Variants in HS1BP3 observed in about 807,000 individuals in gnomAD.
The protein encoded by HS1BP3 is HCLS1 binding protein 3.
A neutral mutation model predicts 33.5 loss-of-function variants in HS1BP3; 32 were observed. The ratio of observed to expected loss-of-function variants is 0.95; its 90% CI spans 0.72 to 1.28. The LOEUF (loss-of-function observed/expected upper bound fraction) is 1.28, where lower values mean the gene tolerates loss of function less well. Among genes scored for constraint, HS1BP3 ranks in the 50% most tolerant of loss-of-function variants. The probability of loss-of-function intolerance (pLI) is 0.00; values close to 1 mark genes in which losing one functional copy is unlikely to be tolerated. For missense variants in HS1BP3, 486 were observed against 502.3 expected (o/e 0.97, Z 0.31); for synonymous variants, 187 against 209.2 (o/e 0.89, Z 0.92).
chr2:20,647,677 T>C (rs1295720919), intron 1 of HS1BP3, among the ~76,000 whole-genome samples: 1 of 152,130 alleles, frequency 6.6e-6, no homozygotes, highest in African/African-American at 2.4e-5. Context: ...ATAGGAAAAC[T>C]TTCTCTACAG....
downstream of HS1BP3, among the ~76,000 whole-genome samples, chr2:20,614,874 G>T (rs73235060): frequency 0.014 from 2,112 of 152,356 alleles, 41 homozygotes; most frequent in African/African-American, 0.047. Context: ...ACATGAAATT[G>T]CTTGGCTCTT....
At position 20,645,378 on chromosome 2, in the gene HS1BP3, A is replaced by G. The variant is rs1695486473; in HGVS notation, c.160T>C (p.Ser54Pro). 6.2e-7 allele frequency: 1 copy of G among 1,613,942 alleles called. No individual in the cohort carries two copies. Among genetic ancestry groups the G allele is most frequent in the Non-Finnish European group, 8.5e-7 (1 of 1,179,966 alleles). Reference sequence around the variant, plus strand: ...ACATCCTCGGGCCTGTGCTTGGCCGACTTGAACGCAGCCAGACGGGTCACC... The same window carrying G: ...ACATCCTCGGGCCTGTGCTTGGCCGGCTTGAACGCAGCCAGACGGGTCACC... Reference protein sequence around the residue: ...LVVTRLAAFKSAKHRPEDVVQ... With the variant: ...LVVTRLAAFKPAKHRPEDVVQ... The change falls in exon 2 of 7, where the codon TCG (serine) becomes CCG (proline). Residue 54 changes from serine (S) to proline (P), a missense_variant. Transcript: ENST00000304031.
At chr2:20,616,684 C>T (rs1279735926), downstream of HS1BP3, among the ~76,000 whole-genome samples, 1 of 152,192 alleles carries the variant, frequency 6.6e-6, no homozygotes, top group Non-Finnish European at 1.5e-5. Context: ...TCCCCTTCCC[C>T]TACCCTAAGC....
At chr2:20,593,706 C>T (rs1693875801) in intron 3 of HS1BP3, among the ~76,000 whole-genome samples, 5 of 152,252 alleles carry the variant, frequency 3.3e-5, no homozygotes, top group South Asian at 4.1e-4. Flanking sequence ...CCACTGCGCC[C>T]GCTCTCACCC....
At chr2:20,631,969 G>T (rs1341834308) in intron 4 of HS1BP3, among the ~76,000 whole-genome samples, 4 of 152,204 alleles carry the variant, frequency 2.6e-5, no homozygotes, top group Non-Finnish European at 5.9e-5. Flanking sequence ...GCAGCAGTCA[G>T]CCCCAAATGG....
chr2:20,577,741 A>G (rs930952340), intron 5 of HS1BP3, among the ~76,000 whole-genome samples: 10 of 152,220 alleles, frequency 6.6e-5, no homozygotes, highest in African/African-American at 2.4e-4. Context: ...CAGGCCTCTG[A>G]ACCTCAGGCT....
At chr2:20,566,612 GT>G (rs200183651) in intron 5 of HS1BP3, among the ~76,000 whole-genome samples, 5,475 of 141,858 alleles carry the variant, frequency 0.039, 341 homozygotes, top group African/African-American at 0.14. Context: ...TTTTTTTTTT[GT>G]TTTTTTTTTT....
chr2:20,641,502 A>G (rs1331255074), intron 2 of HS1BP3, among the ~76,000 whole-genome samples: 1 of 152,218 alleles, frequency 6.6e-6, no homozygotes, highest in Non-Finnish European at 1.5e-5. Context: ...CACTGTGTTC[A>G]TTCCCAGCTT....
chr2:20,643,159 G>A (rs1231040105), intron 2 of HS1BP3, among the ~76,000 whole-genome samples: 2 of 152,192 alleles, frequency 1.3e-5, no homozygotes, highest in Admixed American at 6.5e-5. Context: ...GCCCTCGCAA[G>A]TACTTTCAAA....
chr2:20,573,315 G>C (rs1291244849), intron 5 of HS1BP3, among the ~76,000 whole-genome samples: 1 of 152,036 alleles, frequency 6.6e-6, no homozygotes, highest in Admixed American at 6.6e-5. Flanking sequence ...TGAACTTCAG[G>C]CCTCTGGAAC....
At chr2:20,632,566 G>A (rs1385010863) in intron 4 of HS1BP3, among the ~76,000 whole-genome samples, 1 of 152,250 alleles carries the variant, frequency 6.6e-6, no homozygotes, top group Non-Finnish European at 1.5e-5. Flanking sequence ...TAACAACAGA[G>A]CCTGGATCTG....
At chr2:20,583,290 G>A (rs1693579499) in intron 5 of HS1BP3, among the ~76,000 whole-genome samples, 1 of 152,208 alleles carries the variant, frequency 6.6e-6, no homozygotes, top group Non-Finnish European at 1.5e-5. Flanking sequence ...TGTAATGAAA[G>A]GATATGGGGC....
chr2:20,625,004 GC>G, intron 4 of HS1BP3, 112 bp from the exon 5 acceptor site: 1 of 1,306,994 alleles, frequency 7.7e-7, no homozygotes. Flanking sequence ...GATGCCATGG[GC>G]CAGAAAAGAC....
Position 20,619,059 on chromosome 2 carries a change from C to T in HS1BP3, c.1107G>A (p.Met369Ile). 2 of 1,614,184 alleles carry T rather than the reference C, an allele frequency of 1.2e-6. No individual in the cohort carries two copies. The highest frequency in any genetic ancestry group is 1.7e-6 in the Non-Finnish European group (2 of 1,180,020). The change falls in exon 7 of 7, where the codon ATG (methionine) becomes ATA (isoleucine). Residue 369 changes from methionine (M) to isoleucine (I), a missense_variant. By Grantham distance (10) the Met-to-Ile change is conservative. Coordinates refer to ENST00000304031, the MANE Select transcript of HS1BP3 (RefSeq NM_022460.4). ...TGTACTGCAAGATGTCCATCTCGTC[C>T]ATGGCTTGGATCTGCTCCTGCGGCT... ...QQKPQEQIQAMDEMDILQYIQ... is the reference protein window; with the variant it reads ...QQKPQEQIQAIDEMDILQYIQ...
At chr2:20,626,706 A>C (rs1694797093) in intron 4 of HS1BP3, among the ~76,000 whole-genome samples, 2 of 152,096 alleles carry the variant, frequency 1.3e-5, no homozygotes, top group African/African-American at 4.8e-5. Context: ...TCAGGCCATG[A>C]GGGACCTCCT....
At chr2:20,563,035 A>G (rs1314447504) in intron 5 of HS1BP3, among the ~76,000 whole-genome samples, 1 of 152,142 alleles carries the variant, frequency 6.6e-6, no homozygotes, top group East Asian at 1.9e-4. Flanking sequence ...AGCTGCATTA[A>G]TGAATCACAG....
At chr2:20,583,313 T>TATC (rs1318426794) in intron 5 of HS1BP3, among the ~76,000 whole-genome samples, 2 of 151,528 alleles carry the variant, frequency 1.3e-5, no homozygotes, top group African/African-American at 4.9e-5. Flanking sequence ...CTTACTGGGT[T>TATC]ATCAGGAAGG....
At chr2:20,646,124 C>T (rs956819629) in intron 1 of HS1BP3, among the ~76,000 whole-genome samples, 2 of 152,156 alleles carry the variant, frequency 1.3e-5, no homozygotes, top group Admixed American at 6.5e-5. Flanking sequence ...AAATGCAATT[C>T]GAATATAATG....
At position 20,597,805 on chromosome 2, in the gene HS1BP3, G is replaced by A. The variant is rs372700875; in HGVS notation, c.*12+403C>T. On this transcript the variant is annotated intron_variant, in intron 3 of 3. Coordinates refer to the HS1BP3 transcript ENST00000415264. Reference sequence around the variant, plus strand: ...TAGAATGGGACTAGGAGGATTCAAGGAAAGAAGACCTGCTTCCTGTTTCCC... The same window carrying A: ...TAGAATGGGACTAGGAGGATTCAAGAAAAGAAGACCTGCTTCCTGTTTCCC... Among the ~76,000 whole-genome samples, 36 of 152,310 alleles carry A rather than the reference G, an allele frequency of 2.4e-4. No homozygotes were observed. The East Asian group carries it at 5.8e-3, about 24-fold the overall frequency.
Sources: allele counts gnomAD v4.1 joint callset (sites outside exome capture counted in the v4.1 genomes callset), GRCh38; gene constraint gnomAD v4.1.1; transcripts MANE v1.5; gene names NCBI Gene and HGNC (gene_info 2026-07-23, HGNC 2026-07-21).